Variants in IPO11 observed in about 807,000 individuals in gnomAD.
IPO11 encodes importin 11.
IPO11 carries 66 observed loss-of-function variants against 143.2 expected under a neutral mutation model. The ratio of observed to expected loss-of-function variants is 0.46; its 90% CI spans 0.38 to 0.57. IPO11 has a LOEUF of 0.57. IPO11 is among the 20% of genes least tolerant of loss of function. The pLI is 0.00. For missense variants in IPO11, 1,026 were observed against 1,141.0 expected (o/e 0.90, Z 1.45); for synonymous variants, 385 against 377.8 (o/e 1.02, Z -0.22).
At chr5:62,603,725 A>G (rs531440183) in intron 29 of IPO11, among the ~76,000 whole-genome samples, 45 of 152,360 alleles carry the variant, frequency 3.0e-4, no homozygotes, top group African/African-American at 1.0e-3. Flanking sequence ...GAGAACATGC[A>G]AACTCCACAC....
intron 16 of IPO11, 81 bp downstream of exon 16, chr5:62,494,205 C>T (rs1741047895): frequency 4.6e-6 from 6 of 1,292,324 alleles, no homozygotes; most frequent in Non-Finnish European, 6.3e-6. Flanking sequence ...CAGTTTATGT[C>T]TTTTCTTTAT....
intron 5 of IPO11, among the ~76,000 whole-genome samples, chr5:62,464,153 T>TC (rs1258461414): frequency 2.1e-5 from 3 of 141,156 alleles, no homozygotes; most frequent in Non-Finnish European, 4.6e-5. Context: ...GTTTTTTTTT[T>TC]TTTTTTTTTT....
intron 29 of IPO11, among the ~76,000 whole-genome samples, chr5:62,617,229 G>T (rs1247292209): frequency 6.6e-6 from 1 of 152,168 alleles, no homozygotes; most frequent in Non-Finnish European, 1.5e-5. Flanking sequence ...AGAAATAAAT[G>T]ATATTCAGAA....
intron 24 of IPO11, among the ~76,000 whole-genome samples, chr5:62,541,592 G>T (rs942237546): frequency 6.6e-6 from 1 of 151,538 alleles, no homozygotes; most frequent in Non-Finnish European, 1.5e-5. Context: ...GAGGTGGGAG[G>T]ATCTCTTGAG....
Position 62,530,805 on chromosome 5 carries a change from CT to C in IPO11, c.2089+22del. 6.4e-7 allele frequency: 1 copy of C among 1,564,312 alleles called. No individual in the cohort carries two copies. The highest frequency in any genetic ancestry group is 8.8e-7 in the Non-Finnish European group (1 of 1,137,482). On this transcript the variant is annotated intron_variant, in intron 22 of 29. Transcript: ENST00000325324. ...TTCTTGGTATGTGTTAAAGCATAAACTTACTAATGTTTTTGAATGCAACCAT... is the reference window on the plus strand; with the variant it reads ...TTCTTGGTATGTGTTAAAGCATAAACTACTAATGTTTTTGAATGCAACCAT...
chr5:62,476,904 A>G (rs1189653315), intron 9 of IPO11, 151 bp downstream of exon 9: 12 of 794,174 alleles, frequency 1.5e-5, no homozygotes, highest in Non-Finnish European at 2.1e-5. Context: ...TTGCTTTTAT[A>G]TGTACTTTAG....
intron 27 of IPO11, among the ~76,000 whole-genome samples, chr5:62,564,645 C>G (rs1447073663): frequency 1.3e-5 from 2 of 152,062 alleles, no homozygotes; most frequent in Non-Finnish European, 2.9e-5. Flanking sequence ...TTGGCCACTA[C>G]CTACCGGATG....
intron 24 of IPO11, among the ~76,000 whole-genome samples, chr5:62,547,307 A>G (rs568389139): frequency 6.6e-6 from 1 of 152,270 alleles, no homozygotes; most frequent in African/African-American, 2.4e-5. Flanking sequence ...CTATAAGAGA[A>G]ATAATATCGG....
chr5:62,468,794 T>C (rs1337292815), intron 6 of IPO11, among the ~76,000 whole-genome samples: 2 of 152,202 alleles, frequency 1.3e-5, no homozygotes, highest in Non-Finnish European at 2.9e-5. Flanking sequence ...ACATTAACTT[T>C]TTAGAGATAT....
At chr5:62,418,813 A>G in intron 1 of IPO11, 1 of 505,682 alleles carries the variant, frequency 2.0e-6, no homozygotes, top group Non-Finnish European at 3.5e-6. Context: ...AATATAGATA[A>G]CTAGGTCATG....
intron 27 of IPO11, chr5:62,561,876 G>C (rs1042745608): frequency 1.3e-5 from 2 of 152,172 alleles, no homozygotes; most frequent in African/African-American, 4.8e-5. Context: ...CATTCATGCT[G>C]TGTAGATTTT....
intron 5 of IPO11, among the ~76,000 whole-genome samples, chr5:62,466,483 A>G (rs905103890): frequency 2.0e-5 from 3 of 152,232 alleles, no homozygotes; most frequent in African/African-American, 7.2e-5. Context: ...AATTTAAAGT[A>G]AATAGCCATG....
intron 28 of IPO11, among the ~76,000 whole-genome samples, chr5:62,595,620 T>G (rs965240932): frequency 6.6e-6 from 1 of 152,150 alleles, no homozygotes; most frequent in East Asian, 1.9e-4. Context: ...AGTCAACAGT[T>G]GCCTATTAAC....
chr5:62,563,740 T>A (rs1451082199), intron 27 of IPO11, among the ~76,000 whole-genome samples: 1 of 152,152 alleles, frequency 6.6e-6, no homozygotes, highest in Non-Finnish European at 1.5e-5. Flanking sequence ...AACAAAGTAT[T>A]TGTGTGAAAT....
At chr5:62,596,988 T>G (rs1745253346) in intron 28 of IPO11, among the ~76,000 whole-genome samples, 1 of 152,196 alleles carries the variant, frequency 6.6e-6, no homozygotes, top group Non-Finnish European at 1.5e-5. Flanking sequence ...CCTCTAAAAT[T>G]GCATTCCAGG....
intron 2 of IPO11, among the ~76,000 whole-genome samples, chr5:62,437,682 T>C (rs911470890): frequency 2.6e-5 from 4 of 152,204 alleles, no homozygotes; most frequent in African/African-American, 9.6e-5. Flanking sequence ...ACGTTAAAAG[T>C]GTCTACTATC....
At chr5:62,452,083 A>C in intron 5 of IPO11, 150 bp downstream of exon 5, 1 of 611,676 alleles carries the variant, frequency 1.6e-6, no homozygotes, top group South Asian at 1.9e-5. Flanking sequence ...ATCTCTACTA[A>C]AAACTACAAA....
At chr5:62,528,855 T>A (rs901230579) in intron 21 of IPO11, among the ~76,000 whole-genome samples, 5 of 152,148 alleles carry the variant, frequency 3.3e-5, no homozygotes, top group Non-Finnish European at 7.3e-5. Flanking sequence ...AGTACACCAG[T>A]TGATGCTTGG....
intron 27 of IPO11, among the ~76,000 whole-genome samples, chr5:62,572,313 A>T (rs916028556): frequency 6.6e-6 from 1 of 152,206 alleles, no homozygotes; most frequent in African/African-American, 2.4e-5. Flanking sequence ...ACAACATATC[A>T]TTCTTCTGTC....
Sources: allele counts gnomAD v4.1 joint callset (sites outside exome capture counted in the v4.1 genomes callset), GRCh38; gene constraint gnomAD v4.1.1; transcripts MANE v1.5; gene names NCBI Gene and HGNC (gene_info 2026-07-23, HGNC 2026-07-21).